Variants in EPB41L4A observed in about 807,000 individuals in gnomAD.
EPB41L4A encodes erythrocyte membrane protein band 4.1 like 4A, also known as band 4.1-like protein 4A.
Under a neutral mutation model 108.6 loss-of-function variants are expected in EPB41L4A, and 100 were observed. That is an observed-to-expected ratio of 0.92 (90% confidence interval 0.78 to 1.09). EPB41L4A has a LOEUF of 1.09. Among genes scored for constraint, EPB41L4A ranks in the 50% least tolerant of loss-of-function variants. The pLI, the probability that EPB41L4A is intolerant of heterozygous loss-of-function variation, is 0.00. For synonymous variants in EPB41L4A, 319 were observed against 289.0 expected (o/e 1.10, Z -1.05); for missense variants, 1,030 against 842.7 (o/e 1.22, Z -2.75).
chr5:112,223,496 C>T (rs1385431197), intron 12 of EPB41L4A, among the ~76,000 whole-genome samples: 1 of 152,180 alleles, frequency 6.6e-6, no homozygotes, highest in Non-Finnish European at 1.5e-5. Flanking sequence ...ATGCCATCTA[C>T]TCAGGAATAT....
intron 1 of EPB41L4A, among the ~76,000 whole-genome samples, chr5:112,404,709 A>G (rs1385728164): frequency 1.3e-5 from 2 of 152,188 alleles, no homozygotes; most frequent in Admixed American, 6.5e-5. Context: ...TATTTCTCAA[A>G]GCATAACTCT....
intron 18 of EPB41L4A, among the ~76,000 whole-genome samples, chr5:112,176,357 T>A (rs1760861275): frequency 1.3e-5 from 2 of 152,196 alleles, no homozygotes; most frequent in Admixed American, 6.5e-5. Flanking sequence ...AAGTAATCCA[T>A]CATCCTTAAG....
chr5:112,402,045 G>C (rs1055387907), intron 1 of EPB41L4A, among the ~76,000 whole-genome samples: 12 of 152,196 alleles, frequency 7.9e-5, no homozygotes, highest in African/African-American at 2.7e-4. Context: ...GATGTGGTTT[G>C]GATTTGCGTC....
intron 2 of EPB41L4A, among the ~76,000 whole-genome samples, chr5:112,301,352 T>C (rs781311145): frequency 7.9e-5 from 12 of 152,212 alleles, no homozygotes; most frequent in Admixed American, 5.2e-4. Flanking sequence ...TCCCGTGATG[T>C]AGCACTCTCC....
intron 17 of EPB41L4A, among the ~76,000 whole-genome samples, chr5:112,191,180 T>C (rs1761679928): frequency 6.6e-6 from 1 of 151,252 alleles, no homozygotes; most frequent in African/African-American, 2.4e-5. Flanking sequence ...AAGAATAAAG[T>C]GGAAAGGGGT....
intron 1 of EPB41L4A, among the ~76,000 whole-genome samples, chr5:112,347,626 G>C (rs1293957517): frequency 6.6e-6 from 1 of 152,166 alleles, no homozygotes; most frequent in Non-Finnish European, 1.5e-5. Context: ...CCCGGTAACA[G>C]AATTCTCTTC....
chr5:112,150,279 A>T (rs980586508), intron 12 of EPB41L4A, among the ~76,000 whole-genome samples: 3 of 152,226 alleles, frequency 2.0e-5, no homozygotes, highest in African/African-American at 7.2e-5. Flanking sequence ...TCACATTGAA[A>T]AAGAAAATGA....
chr5:112,360,969 T>A, intron 1 of EPB41L4A, among the ~76,000 whole-genome samples: 1 of 152,112 alleles, frequency 6.6e-6, no homozygotes, highest in Non-Finnish European at 1.5e-5. Context: ...GGCCGCCCCG[T>A]CTGAGAAGTG....
At chr5:112,365,476 A>AT (rs11288564) in intron 1 of EPB41L4A, among the ~76,000 whole-genome samples, 7 of 151,990 alleles carry the variant, frequency 4.6e-5, no homozygotes, top group African/African-American at 9.7e-5. Context: ...CTAAAGACTG[A>AT]TTTTTTTTAA....
intron 22 of EPB41L4A, 142 bp from the exon 23 acceptor site, chr5:112,165,260 TA>T: frequency 9.4e-6 from 6 of 639,182 alleles, no homozygotes; most frequent in Non-Finnish European, 1.6e-5. Flanking sequence ...AGCTATTCAA[TA>T]AATGTTCCCT....
intron 1 of EPB41L4A, among the ~76,000 whole-genome samples, chr5:112,313,474 C>T (rs1450532315): frequency 6.6e-6 from 1 of 152,054 alleles, no homozygotes; most frequent in Non-Finnish European, 1.5e-5. Context: ...GCCTGTAATC[C>T]CAGCTTCTCA....
At chr5:112,401,782 G>A (rs1761768526) in intron 1 of EPB41L4A, among the ~76,000 whole-genome samples, 3 of 152,300 alleles carry the variant, frequency 2.0e-5, no homozygotes, top group South Asian at 2.1e-4. Flanking sequence ...GAGAGCCAAT[G>A]ACAGGTGCAT....
chr5:112,328,410 T>C (rs1165781765), intron 1 of EPB41L4A, among the ~76,000 whole-genome samples: 1 of 152,120 alleles, frequency 6.6e-6, no homozygotes, highest in African/African-American at 2.4e-5. Flanking sequence ...TAAAGATCTG[T>C]ATTTTTGAAC....
At chr5:112,396,164 G>C (rs1262858546) in intron 1 of EPB41L4A, among the ~76,000 whole-genome samples, 1 of 151,880 alleles carries the variant, frequency 6.6e-6, no homozygotes, top group African/African-American at 2.4e-5. Flanking sequence ...CGAGTTAATG[G>C]GTGCGGCAAA....
intron 4 of EPB41L4A, 100 bp from the exon 5 acceptor site, chr5:112,266,430 TTAAAA>T: frequency 4.0e-6 from 3 of 757,412 alleles, no homozygotes; most frequent in Non-Finnish European, 6.3e-6. Flanking sequence ...TCACCTTCAA[TTAAAA>T]TAAAGTCACC....
chr5:112,309,028 T>C (rs1754877552), intron 1 of EPB41L4A, among the ~76,000 whole-genome samples: 2 of 152,228 alleles, frequency 1.3e-5, no homozygotes, highest in African/African-American at 4.8e-5. Context: ...CCAAAGTTTA[T>C]GAGCAAATTC....
intron 1 of EPB41L4A, among the ~76,000 whole-genome samples, chr5:112,315,098 G>A (rs530412351): frequency 6.6e-6 from 1 of 152,144 alleles, no homozygotes; most frequent in East Asian, 1.9e-4. Context: ...GGTCTCCCTG[G>A]GATATCTTTC....
intron 1 of EPB41L4A, among the ~76,000 whole-genome samples, chr5:112,332,711 G>C (rs372619977): frequency 9.2e-5 from 14 of 152,282 alleles, no homozygotes; most frequent in African/African-American, 2.9e-4. Flanking sequence ...AATAACAGAA[G>C]TTACCAACAA....
At chr5:112,395,971 C>CA (rs1203632267) in intron 1 of EPB41L4A, among the ~76,000 whole-genome samples, 2 of 152,090 alleles carry the variant, frequency 1.3e-5, no homozygotes, top group African/African-American at 4.8e-5. Flanking sequence ...AAGCTGGAAA[C>CA]CATCATTCTG....
Sources: allele counts gnomAD v4.1 joint callset (sites outside exome capture counted in the v4.1 genomes callset), GRCh38; gene constraint gnomAD v4.1.1; transcripts MANE v1.5; gene names NCBI Gene and HGNC (gene_info 2026-07-23, HGNC 2026-07-21).